The following HS3ST4 variants were observed in gnomAD, a reference collection of about 807,000 sequenced individuals.
HS3ST4 encodes the protein heparan sulfate-glucosamine 3-sulfotransferase 4, also known as heparan sulfate glucosamine 3-O-sulfotransferase 4.
HS3ST4 carries 17 observed loss-of-function variants against 29.2 expected under a neutral mutation model. The ratio of observed to expected loss-of-function variants is 0.58; its 90% CI spans 0.40 to 0.87. The LOEUF is 0.87. HS3ST4 is among the 40% of genes least tolerant of loss of function. HS3ST4 has a pLI of 0.00. For synonymous variants in HS3ST4, 314 were observed against 285.7 expected, an observed-to-expected ratio of 1.10 and a Z score of -1.00; for missense variants, 627 against 634.5, an observed-to-expected ratio of 0.99 and a Z score of 0.13.
At chr16:25,703,946 G>A (rs896530903) in intron 1 of HS3ST4, among the ~76,000 whole-genome samples, 4 of 152,080 alleles carry the variant, frequency 2.6e-5, no homozygotes, top group African/African-American at 4.8e-5. Flanking sequence ...CACATCTATT[G>A]CTCTCCAAAG....
At chr16:25,834,595 A>C (rs1967338445) in intron 1 of HS3ST4, among the ~76,000 whole-genome samples, 2 of 152,196 alleles carry the variant, frequency 1.3e-5, no homozygotes, top group African/African-American at 2.4e-5. Context: ...AATATACAAA[A>C]CATGCTATAT....
intron 1 of HS3ST4, among the ~76,000 whole-genome samples, chr16:26,040,682 C>G (rs1381395846): frequency 6.6e-6 from 1 of 152,044 alleles, no homozygotes; most frequent in African/African-American, 2.4e-5. Context: ...ACATTAACCT[C>G]AGGTTCTCCC....
At chr16:26,015,841 G>A (rs376649997) in intron 1 of HS3ST4, among the ~76,000 whole-genome samples, 223 of 152,228 alleles carry the variant, frequency 1.5e-3, no homozygotes, top group African/African-American at 5.0e-3. Context: ...CCAATTTGGG[G>A]GGATTTAAGT....
Position 25,807,761 on chromosome 16 carries a change from G to A in HS3ST4, c.734+114610G>A, listed in dbSNP as rs142682671. 1.8e-4 allele frequency among the ~76,000 whole-genome samples: 27 copies of A among 152,192 alleles called. No homozygotes were observed. In the East Asian group the frequency reaches 2.3e-3, roughly 13 times the overall value. Reference sequence around the variant, plus strand: ...AATGGTGGTACCATTTTACATTTCCGCTAGCAATGTCTGAGTGATCCAGGT... The same window carrying A: ...AATGGTGGTACCATTTTACATTTCCACTAGCAATGTCTGAGTGATCCAGGT... On this transcript the variant is annotated intron_variant, in intron 1 of 1. Transcript: ENST00000331351.
In HS3ST4 at chr16:25,697,988, A is replaced by G. The variant is rs187536490; in HGVS notation, c.734+4837A>G. On this transcript the variant is annotated intron_variant, in intron 1 of 1. Coordinates refer to ENST00000331351, the MANE Select transcript of HS3ST4 (RefSeq NM_006040.3). ...GCCCGGCCCAGGAGTCCACATTTCT[A>G]CAAGGTTGCTAGATGCTGCTGCTGC... Among the ~76,000 whole-genome samples the G allele has an allele frequency of 7.2e-5, 11 of 152,162 alleles. No homozygotes were observed. The East Asian group carries it at 1.6e-3, about 21-fold the overall frequency.
chr16:25,773,907 C>A (rs1019183936), intron 1 of HS3ST4, among the ~76,000 whole-genome samples: 1 of 152,080 alleles, frequency 6.6e-6, no homozygotes, highest in Admixed American at 6.5e-5. Context: ...CCCTTTAAAC[C>A]AGCCCCCCTA....
chr16:25,812,696 G>A lies in HS3ST4; in HGVS notation c.734+119545G>A, dbSNP rs112665879. Among the ~76,000 whole-genome samples the A allele has an allele frequency of 8.2e-4, 99 of 121,464 alleles. 1 individual carries two copies. The highest frequency in any genetic ancestry group is 3.4e-3 in the African/African-American group (98 of 28,918). The allele number at this position is 121,464 out of a possible 152,430, so 79.7% of individuals were successfully genotyped here. ...CATTTCTATTCTGAGACTCTGCAAA[G>A]TACTTCCTTTTTTTTTTTTGTTCTT... On this transcript the variant is annotated intron_variant, in intron 1 of 1. Transcript: ENST00000331351.
chr16:25,889,151 A>G (rs1180452913), intron 1 of HS3ST4, among the ~76,000 whole-genome samples: 1 of 152,212 alleles, frequency 6.6e-6, no homozygotes, highest in African/African-American at 2.4e-5. Context: ...CGAATGTGAA[A>G]TTGATTTCTT....
At chr16:25,965,401 A>G (rs76583700) in intron 1 of HS3ST4, among the ~76,000 whole-genome samples, 2 of 13,586 alleles carry the variant, frequency 1.5e-4, no homozygotes, top group African/African-American at 8.7e-4. Context: ...TTTCTTGTCA[A>G]AAAAAAAAAA....
intron 1 of HS3ST4, among the ~76,000 whole-genome samples, chr16:25,732,297 C>T (rs1044005964): frequency 1.3e-5 from 2 of 152,200 alleles, no homozygotes; most frequent in South Asian, 4.1e-4. Context: ...TTTTTGGCGG[C>T]AGTTTAGACC....
At chr16:25,930,923 A>AAAAC (rs1294601255) in intron 1 of HS3ST4, among the ~76,000 whole-genome samples, 38 of 145,870 alleles carry the variant, frequency 2.6e-4, no homozygotes, top group African/African-American at 1.0e-3. Context: ...AACAAAAACA[A>AAAAC]AAAAAAAACT....
intron 1 of HS3ST4, among the ~76,000 whole-genome samples, chr16:25,844,604 GA>G: frequency 6.6e-6 from 1 of 152,306 alleles, no homozygotes; most frequent in Admixed American, 6.5e-5. Flanking sequence ...ACTATTGGTA[GA>G]AATGTTAATT....
intron 1 of HS3ST4, among the ~76,000 whole-genome samples, chr16:25,699,662 G>A (rs1345404316): frequency 1.1e-4 from 16 of 152,186 alleles, no homozygotes; most frequent in Admixed American, 9.8e-4. Flanking sequence ...ATTCACCTAC[G>A]AAAAGACTTT....
intron 1 of HS3ST4, among the ~76,000 whole-genome samples, chr16:25,759,403 G>A (rs1219570222): frequency 6.6e-6 from 1 of 152,236 alleles, no homozygotes; most frequent in Non-Finnish European, 1.5e-5. Flanking sequence ...AAAGAAAACA[G>A]CGTTTCTGCC....
chr16:25,771,832 TGGA>T (rs1966842641), intron 1 of HS3ST4, among the ~76,000 whole-genome samples: 1 of 152,348 alleles, frequency 6.6e-6, no homozygotes, highest in Admixed American at 6.5e-5. Flanking sequence ...GTGCCTTGGC[TGGA>T]GGAGAATAGA....
intron 1 of HS3ST4, among the ~76,000 whole-genome samples, chr16:25,920,950 T>C (rs944977067): frequency 3.3e-5 from 5 of 152,180 alleles, no homozygotes; most frequent in Non-Finnish European, 5.9e-5. Context: ...TCTTTGTTTA[T>C]GTAGTCATAC....
At chr16:25,990,107 C>A (rs1969101529) in intron 1 of HS3ST4, among the ~76,000 whole-genome samples, 1 of 152,290 alleles carries the variant, frequency 6.6e-6, no homozygotes, top group African/African-American at 2.4e-5. Context: ...CAGCTCATTT[C>A]TTTTTAGTGC....
chr16:26,114,425 G>A (rs1899175440), intron 1 of HS3ST4, among the ~76,000 whole-genome samples: 1 of 152,178 alleles, frequency 6.6e-6, no homozygotes, highest in East Asian at 1.9e-4. Flanking sequence ...TTAGTTCCCT[G>A]CAAAGACACG....
At chr16:25,913,569 G>A (rs1215339418) in intron 1 of HS3ST4, among the ~76,000 whole-genome samples, 2 of 152,220 alleles carry the variant, frequency 1.3e-5, no homozygotes, top group African/African-American at 4.8e-5. Flanking sequence ...AACCCAGTTT[G>A]AGTAGTGAAG....
Sources: gnomAD v4.1 joint callset for allele counts (sites outside exome capture counted in the v4.1 genomes callset) on GRCh38, gnomAD v4.1.1 for gene constraint, MANE v1.5 for transcripts, NCBI Gene and HGNC (gene_info 2026-07-23, HGNC 2026-07-21) for gene names.